The following SLF2 variants were observed in gnomAD, a reference collection of about 807,000 sequenced individuals.
The protein encoded by SLF2 is SMC5/6 complex localization factor 2.
A neutral mutation model predicts 124.3 loss-of-function variants in SLF2; 68 were observed. The observed-to-expected ratio is 0.55, with a 90% CI of 0.45 to 0.67. SLF2 has a LOEUF of 0.67. Ranked by LOEUF, SLF2 falls within the 30% of genes least tolerant of loss-of-function variation. The pLI is 0.00. For missense variants in SLF2, 1,246 were observed against 1,373.7 expected (o/e 0.91, Z 1.47); for synonymous variants, 480 against 478.8 (o/e 1.00, Z -0.03).
chr10:100,926,040 AT>A (rs754126661), intron 6 of SLF2, 21 bp downstream of exon 6: 1 of 1,614,230 alleles, frequency 6.2e-7, no homozygotes, highest in Non-Finnish European at 8.5e-7. Context: ...ATAAAGATTA[AT>A]TTGCTAAATT....
intron 8 of SLF2, among the ~76,000 whole-genome samples, chr10:100,930,555 G>A (rs1849711820): frequency 6.6e-6 from 1 of 152,212 alleles, no homozygotes; most frequent in Non-Finnish European, 1.5e-5. Flanking sequence ...TTACCAAGAA[G>A]AAAGGCAAAA....
intron 13 of SLF2, among the ~76,000 whole-genome samples, chr10:100,946,197 C>T (rs1185320816): frequency 6.6e-6 from 1 of 152,006 alleles, no homozygotes; most frequent in East Asian, 1.9e-4. Flanking sequence ...ATAATTGAGA[C>T]ATAATCTTGC....
At chr10:100,932,121 C>T (rs912381990) in intron 9 of SLF2, among the ~76,000 whole-genome samples, 6 of 151,868 alleles carry the variant, frequency 4.0e-5, no homozygotes, top group African/African-American at 9.7e-5. Context: ...AAGACGAGAA[C>T]GATTATGAAT....
In SLF2 at chr10:100,945,509, A is replaced by G. The variant is rs1850088410; in HGVS notation, c.2934+3A>G. The G allele has an allele frequency of 6.5e-7, 1 of 1,541,782 alleles. No homozygotes were observed. Among genetic ancestry groups the G allele is most frequent in the Non-Finnish European group, 8.6e-7 (1 of 1,156,234 alleles). On this transcript the variant is annotated splice_donor_region_variant and intron_variant, in intron 13 of 19. Transcript: ENST00000238961. ...ACATCAGAGATTGGAACACAAAGGT[A>G]ATGTTACTTAAAACTTCATTATTCA...
intron 9 of SLF2, among the ~76,000 whole-genome samples, chr10:100,932,513 A>G (rs763553150): frequency 1.3e-5 from 2 of 152,194 alleles, no homozygotes; most frequent in African/African-American, 2.4e-5. Context: ...TAGCATTTCA[A>G]GAAATCTCGT....
intron 9 of SLF2, among the ~76,000 whole-genome samples, chr10:100,931,730 A>G (rs890906350): frequency 6.6e-6 from 1 of 152,310 alleles, no homozygotes; most frequent in African/African-American, 2.4e-5. Flanking sequence ...GTGGTGGCTC[A>G]TGCCTGCAAT....
Position 100,917,004 on chromosome 10 carries a change from G to T in SLF2, c.619G>T (p.Asp207Tyr), listed in dbSNP as rs747851722. 1 of 1,614,180 alleles carries T rather than the reference G, an allele frequency of 6.2e-7. No individual in the cohort carries two copies. Among genetic ancestry groups the T allele is most frequent in the Admixed American group, 1.7e-5 (1 of 60,018 alleles). Residue 207 changes from aspartate to tyrosine, a missense_variant, in exon 3 of 20, where the codon GAC (aspartate) becomes TAC (tyrosine). By Grantham distance (160) the Asp-to-Tyr change is radical (BLOSUM62 -3). Coordinates refer to ENST00000238961, the MANE Select transcript of SLF2 (RefSeq NM_018121.4). ...SKKQTTVAEADIFNNSSRSLS... is the reference protein window; with the variant it reads ...SKKQTTVAEAYIFNNSSRSLS... ...AAAGCAGACCACAGTGGCAGAAGCT[G>T]ACATCTTCAATAACAGCTCCAGAAG...
chr10:100,916,016 A>G lies in SLF2; in HGVS notation c.158A>G (p.Asp53Gly). 1 of 1,611,916 alleles carries G rather than the reference A, an allele frequency of 6.2e-7. No individual in the cohort carries two copies. Among genetic ancestry groups the G allele is most frequent in the Non-Finnish European group, 8.5e-7 (1 of 1,178,776 alleles). The change falls in exon 2 of 20, where the codon GAT (aspartate) becomes GGT (glycine). Residue 53 changes from aspartate (D) to glycine (G), a missense_variant. Asp to Gly is a moderately conservative substitution (Grantham distance 94). This residue lies in a region of SLF2 where 698 missense variants were observed against 708.9 expected (regional missense o/e 0.98). Transcript: ENST00000238961. ...SPGDRKQSII[D>G]FFKPASKQDR... ...ATTTTCAGGAAGCAGTCAATTATAG[A>G]TTTCTTCAAACCAGCTTCAAAACAA... is the stretch of plus-strand genomic sequence containing the variant.
chr10:100,914,316 T>G (rs1169551448), intron 1 of SLF2, among the ~76,000 whole-genome samples: 1 of 149,650 alleles, frequency 6.7e-6, no homozygotes, highest in Non-Finnish European at 1.5e-5. Flanking sequence ...GTGTGTGTTT[T>G]TTTTTAAGCC....
chr10:100,922,766 G>A (rs1386298337), intron 4 of SLF2, among the ~76,000 whole-genome samples: 3 of 151,238 alleles, frequency 2.0e-5, no homozygotes, highest in Non-Finnish European at 4.4e-5. Context: ...ACTGCACCAG[G>A]TTAAAGTGAA....
chr10:100,935,411 A>G (rs1849826662), intron 9 of SLF2, among the ~76,000 whole-genome samples: 1 of 148,604 alleles, frequency 6.7e-6, no homozygotes, highest in Admixed American at 6.7e-5. Context: ...AAAAAAAGTT[A>G]TATCAGAGGT....
At chr10:100,928,847 G>A (rs568561819) in intron 6 of SLF2, among the ~76,000 whole-genome samples, 2 of 152,182 alleles carry the variant, frequency 1.3e-5, no homozygotes, top group African/African-American at 4.8e-5. Context: ...TAAATGTTAG[G>A]TGTTGTGATG....
intron 1 of SLF2, among the ~76,000 whole-genome samples, chr10:100,914,583 TCTC>T (rs1849381052): frequency 6.6e-6 from 1 of 152,164 alleles, no homozygotes; most frequent in Admixed American, 6.5e-5. Context: ...CCTTCCCATC[TCTC>T]CTCAATCAAT....
At chr10:100,960,791 T>C (rs1034096280) in intron 19 of SLF2, among the ~76,000 whole-genome samples, 2 of 152,092 alleles carry the variant, frequency 1.3e-5, no homozygotes, top group African/African-American at 2.4e-5. Context: ...TTTGATGTTA[T>C]ATCTAAGGAG....
At chr10:100,944,677 TA>T in intron 12 of SLF2, among the ~76,000 whole-genome samples, 1 of 152,284 alleles carries the variant, frequency 6.6e-6, no homozygotes, top group East Asian at 1.9e-4. Flanking sequence ...AATAGTTTTT[TA>T]TAAGTAGGAT....
At chr10:100,949,994 A>T (rs759478646) in intron 15 of SLF2, 82 bp from the exon 16 acceptor site, 1 of 1,295,642 alleles carries the variant, frequency 7.7e-7, no homozygotes, top group Non-Finnish European at 1.0e-6. Context: ...AAAATGAAAG[A>T]GTACACACTG....
chr10:100,929,447 A>G lies in SLF2; in HGVS notation c.2165+8A>G. ...CCTCTTAGAAGAGCACAAGTATAGC[A>G]TTTTTCATAATGTATTTTACCTTAT... On this transcript the variant is annotated splice_region_variant and intron_variant, in intron 7 of 19. Coordinates refer to ENST00000238961, the MANE Select transcript of SLF2 (RefSeq NM_018121.4). 6.3e-7 allele frequency: 1 copy of G among 1,575,674 alleles called. No individual in the cohort carries two copies. The highest frequency in any genetic ancestry group is 8.6e-7 in the Non-Finnish European group (1 of 1,166,012).
intron 17 of SLF2, 78 bp from the exon 18 acceptor site, chr10:100,956,373 T>C: frequency 1.0e-6 from 1 of 991,086 alleles, no homozygotes; most frequent in East Asian, 2.4e-5. Context: ...AATGATTTAG[T>C]TGTTCTAGCT....
chr10:100,954,489 G>A (rs1383977012), intron 17 of SLF2, among the ~76,000 whole-genome samples: 2 of 152,010 alleles, frequency 1.3e-5, no homozygotes, highest in Admixed American at 6.6e-5. Context: ...ATTTTAAATC[G>A]CTATTATCAC....
Sources: allele counts gnomAD v4.1 joint callset (sites outside exome capture counted in the v4.1 genomes callset), GRCh38; gene constraint gnomAD v4.1.1; regional missense constraint gnomAD v4.1.1; transcripts MANE v1.5; gene names NCBI Gene and HGNC (gene_info 2026-07-23, HGNC 2026-07-21).